Variants in ANO4 observed in about 807,000 individuals in gnomAD.
ANO4 encodes anoctamin-4.
A neutral mutation model predicts 141.9 loss-of-function variants in ANO4; 69 were observed. The observed-to-expected ratio is 0.49, with a 90% CI of 0.40 to 0.59. The LOEUF is 0.59. Among genes scored for constraint, ANO4 ranks in the 20% least tolerant of loss-of-function variants. The pLI is 0.00. For synonymous variants in ANO4, 350 were observed against 394.3 expected, an observed-to-expected ratio of 0.89 and a Z score of 1.33; for missense variants, 894 against 1,162.2, an observed-to-expected ratio of 0.77 and a Z score of 3.36.
intron 8 of ANO4, among the ~76,000 whole-genome samples, chr12:100,990,727 G>A (rs1389256169): frequency 6.6e-6 from 1 of 152,182 alleles, no homozygotes; most frequent in Non-Finnish European, 1.5e-5. Flanking sequence ...CAATTCTCCA[G>A]ATTTGGAGGG....
chr12:100,899,966 G>A (rs2040513569), intron 1 of ANO4, among the ~76,000 whole-genome samples: 2 of 152,160 alleles, frequency 1.3e-5, no homozygotes, highest in Non-Finnish European at 2.9e-5. Flanking sequence ...AAGAGGTTGT[G>A]ATTCAAACCT....
At chr12:101,051,307 G>A (rs2047859371) in intron 14 of ANO4, among the ~76,000 whole-genome samples, 1 of 152,164 alleles carries the variant, frequency 6.6e-6, no homozygotes, top group Non-Finnish European at 1.5e-5. Flanking sequence ...AGCCCTTGTG[G>A]TTTGGAGTAT....
intron 22 of ANO4, among the ~76,000 whole-genome samples, chr12:101,108,098 A>G (rs935644904): frequency 1.3e-5 from 2 of 152,160 alleles, no homozygotes; most frequent in African/African-American, 4.8e-5. Context: ...CATTACAGAC[A>G]ACTGGAAATT....
At chr12:101,023,547 C>CT (rs1313234325) in intron 9 of ANO4, among the ~76,000 whole-genome samples, 1 of 152,134 alleles carries the variant, frequency 6.6e-6, no homozygotes, top group African/African-American at 2.4e-5. Flanking sequence ...TGGTCAGTAC[C>CT]TATAGTCCCA....
At chr12:100,989,702 C>G (rs1406269453) in intron 8 of ANO4, among the ~76,000 whole-genome samples, 1 of 114,984 alleles carries the variant, frequency 8.7e-6, no homozygotes, top group African/African-American at 3.5e-5. Context: ...TGAGTGGATA[C>G]ATGGATACAT....
At chr12:100,950,978 G>A (rs1380174785) in intron 5 of ANO4, among the ~76,000 whole-genome samples, 1 of 152,162 alleles carries the variant, frequency 6.6e-6, no homozygotes, top group Non-Finnish European at 1.5e-5. Context: ...TTGTCAAGTT[G>A]TTCTTCTAAT....
chr12:100,978,999 T>C (rs554229722), intron 7 of ANO4, among the ~76,000 whole-genome samples: 1 of 152,118 alleles, frequency 6.6e-6, no homozygotes, highest in South Asian at 2.1e-4. Context: ...GGGGAGTGTA[T>C]GGAATATCCC....
At chr12:101,010,119 C>G (rs1485575591) in intron 8 of ANO4, among the ~76,000 whole-genome samples, 1 of 152,054 alleles carries the variant, frequency 6.6e-6, no homozygotes. Context: ...TGGCACATTC[C>G]AACATTTTGA....
chr12:101,080,883 T>TATATTATA (rs1491584060), intron 15 of ANO4, among the ~76,000 whole-genome samples: 2 of 74,072 alleles, frequency 2.7e-5, no homozygotes, highest in African/African-American at 7.8e-5. Context: ...TATATATATA[T>TATATTATA]TATATATATA....
At chr12:101,071,160 T>C (rs144425246) in intron 14 of ANO4, among the ~76,000 whole-genome samples, 2 of 152,204 alleles carry the variant, frequency 1.3e-5, no homozygotes, top group East Asian at 3.9e-4. Context: ...GCAATCTCAT[T>C]ATCAGGTATA....
chr12:100,882,911 G>T (rs1362717857), intron 1 of ANO4, among the ~76,000 whole-genome samples: 2 of 152,068 alleles, frequency 1.3e-5, no homozygotes, highest in Non-Finnish European at 2.9e-5. Context: ...ATGTTGGCCA[G>T]GCTGGTCTTG....
chr12:100,972,755 A>G (rs568337793), intron 6 of ANO4, among the ~76,000 whole-genome samples: 21 of 152,340 alleles, frequency 1.4e-4, no homozygotes, highest in African/African-American at 4.8e-4. Flanking sequence ...AACCCTACAA[A>G]ATATGTCTAG....
At chr12:100,992,050 T>C (rs548374040) in intron 8 of ANO4, among the ~76,000 whole-genome samples, 1 of 152,332 alleles carries the variant, frequency 6.6e-6, no homozygotes, top group East Asian at 1.9e-4. Flanking sequence ...TCTCCACGGA[T>C]TGATGATTTT....
chr12:100,901,975 CT>C lies in ANO4; in HGVS notation c.55+137del, dbSNP rs1430324841. ...TGTTAGGAGTCTTGTTCTATTTCCC[CT>C]TCTGCTCACCTCAGTCAATGGTAAA... On this transcript the variant is annotated intron_variant, in intron 2 of 27. Transcript: ENST00000392977. The C allele has an allele frequency of 1.3e-5, 11 of 816,100 alleles. No homozygotes were observed. In the African/African-American group the frequency reaches 1.7e-4, roughly 13 times the overall value. 50.6% of individuals were successfully genotyped at this position (816,100 alleles called of 1,614,324 possible).
chr12:100,930,817 C>A (rs1433046453), intron 3 of ANO4, among the ~76,000 whole-genome samples: 2 of 152,002 alleles, frequency 1.3e-5, no homozygotes, highest in African/African-American at 4.8e-5. Flanking sequence ...AATATATGAT[C>A]AACATATAAC....
intron 8 of ANO4, among the ~76,000 whole-genome samples, chr12:101,008,315 C>T (rs1056646824): frequency 6.6e-6 from 1 of 152,112 alleles, no homozygotes; most frequent in Non-Finnish European, 1.5e-5. Context: ...AGAAGCAGCC[C>T]CTTTCAACTC....
intron 4 of ANO4, among the ~76,000 whole-genome samples, chr12:100,940,903 T>C (rs919439666): frequency 6.6e-6 from 1 of 152,202 alleles, no homozygotes; most frequent in Non-Finnish European, 1.5e-5. Flanking sequence ...AATCCACTCC[T>C]TTTGTTCTTT....
At chr12:100,778,695 C>G (rs2033615173) in intron 3 of ANO4, among the ~76,000 whole-genome samples, 1 of 152,276 alleles carries the variant, frequency 6.6e-6, no homozygotes, top group South Asian at 2.1e-4. Flanking sequence ...TTTGTAAATT[C>G]GGGTTACGGC....
chr12:100,895,906 G>A (rs765199893), intron 1 of ANO4, among the ~76,000 whole-genome samples: 6 of 151,876 alleles, frequency 4.0e-5, no homozygotes, highest in African/African-American at 1.5e-4. Flanking sequence ...TTGTGTTCCC[G>A]TATACTCATC....
Sources: allele counts gnomAD v4.1 joint callset (sites outside exome capture counted in the v4.1 genomes callset), GRCh38; gene constraint gnomAD v4.1.1; transcripts MANE v1.5; gene names NCBI Gene and HGNC (gene_info 2026-07-23, HGNC 2026-07-21).